Variants in CTNNA2 observed in about 807,000 individuals in gnomAD.
CTNNA2 encodes catenin alpha-2.
Under a neutral mutation model 101.0 loss-of-function variants are expected in CTNNA2, and 42 were observed. That is an observed-to-expected ratio of 0.42 (90% confidence interval 0.32 to 0.54). CTNNA2 has a LOEUF of 0.54. Ranked by LOEUF, CTNNA2 falls within the 20% of genes least tolerant of loss-of-function variation. The pLI, the probability that CTNNA2 is intolerant of heterozygous loss-of-function variation, is 0.14. For missense variants in CTNNA2, 871 were observed against 1,223.1 expected (o/e 0.71, Z 4.29); for synonymous variants, 450 against 456.4 (o/e 0.99, Z 0.18).
At chr2:79,563,832 A>G (rs1395845904) in intron 1 of CTNNA2, among the ~76,000 whole-genome samples, 2 of 152,176 alleles carry the variant, frequency 1.3e-5, no homozygotes, top group Non-Finnish European at 1.5e-5. Context: ...GCTACATTGT[A>G]CATTTGTCAT....
At chr2:79,915,022 A>G (rs751008565) in intron 7 of CTNNA2, among the ~76,000 whole-genome samples, 6 of 151,986 alleles carry the variant, frequency 3.9e-5, no homozygotes, top group Non-Finnish European at 5.9e-5. Context: ...TAAAAAGGTT[A>G]TTTCCAGCCC....
At chr2:80,598,844 G>A (rs569914665) in intron 15 of CTNNA2, among the ~76,000 whole-genome samples, 2 of 152,330 alleles carry the variant, frequency 1.3e-5, no homozygotes, top group East Asian at 3.9e-4. Flanking sequence ...AGGTGGAGAA[G>A]AGATTCATGA....
At chr2:79,492,246 A>G (rs981390408) in intron 4 of CTNNA2, among the ~76,000 whole-genome samples, 1 of 151,998 alleles carries the variant, frequency 6.6e-6, no homozygotes, top group Non-Finnish European at 1.5e-5. Context: ...AGAATTTGTA[A>G]TTAAGCTATA....
intron 7 of CTNNA2, among the ~76,000 whole-genome samples, chr2:80,243,635 A>G (rs1468331433): frequency 6.6e-6 from 1 of 152,164 alleles, no homozygotes; most frequent in Non-Finnish European, 1.5e-5. Flanking sequence ...CATTGTGTGG[A>G]TATACTACAG....
At chr2:79,873,863 C>A (rs1054072704) in intron 5 of CTNNA2, among the ~76,000 whole-genome samples, 3 of 152,078 alleles carry the variant, frequency 2.0e-5, no homozygotes, top group Non-Finnish European at 4.4e-5. Flanking sequence ...GATAACACCA[C>A]TGTACTCCAA....
At chr2:79,867,870 A>T (rs2104010122) in intron 4 of CTNNA2, among the ~76,000 whole-genome samples, 1 of 152,340 alleles carries the variant, frequency 6.6e-6, no homozygotes, top group East Asian at 1.9e-4. Flanking sequence ...TACATCTCAA[A>T]TAAGCAGCAG....
chr2:80,221,098 G>C (rs1178512634), intron 7 of CTNNA2, among the ~76,000 whole-genome samples: 1 of 152,140 alleles, frequency 6.6e-6, no homozygotes, highest in Non-Finnish European at 1.5e-5. Flanking sequence ...GGCCAGGCTG[G>C]TCTCCAACGC....
At position 79,237,204 on chromosome 2, in the gene CTNNA2, A is replaced by G. The variant is rs540676162; in HGVS notation, c.-406+39128A>G. ...TTGTGTTAGAAGCCATGAAGCCAAC[A>G]TTAATCATCTTGTACATCTCTTGGG... On this transcript the variant is annotated intron_variant, in intron 2 of 21. Transcript: ENST00000466387. 9.2e-5 allele frequency among the ~76,000 whole-genome samples: 14 copies of G among 152,366 alleles called. No individual in the cohort carries two copies. The East Asian group carries it at 2.5e-3, about 27-fold the overall frequency.
At position 80,554,979 on chromosome 2, in the gene CTNNA2, C is replaced by T. The variant is rs577744717; in HGVS notation, c.1541-714C>T. 4.6e-5 allele frequency among the ~76,000 whole-genome samples: 7 copies of T among 152,206 alleles called. No individual in the cohort carries two copies. The East Asian group carries it at 1.2e-3, about 25-fold the overall frequency. On this transcript the variant is annotated intron_variant, in intron 11 of 18. Transcript: ENST00000402739. ...GAGTGAAGCCTCCCCTCTATGCCTG[C>T]TTGATTTCTACTTTGGGCAATCATA... is the stretch of plus-strand genomic sequence containing the variant.
chr2:79,727,727 CT>C (rs1389486830), intron 2 of CTNNA2, among the ~76,000 whole-genome samples: 230 of 109,062 alleles, frequency 2.1e-3, no homozygotes, highest in African/African-American at 7.9e-3. Context: ...TCCCTCCCCC[CT>C]CCCCCCACCC....
chr2:79,620,491 G>C (rs995583132), intron 1 of CTNNA2, among the ~76,000 whole-genome samples: 7 of 152,116 alleles, frequency 4.6e-5, no homozygotes, highest in African/African-American at 9.7e-5. Flanking sequence ...ACCTTCAGTG[G>C]CACATAACTT....
intron 1 of CTNNA2, among the ~76,000 whole-genome samples, chr2:79,597,404 G>A (rs903326723): frequency 4.6e-5 from 7 of 151,508 alleles, no homozygotes; most frequent in African/African-American, 1.7e-4. Context: ...CCCAGGAGGC[G>A]GAGCTTGCAG....
intron 4 of CTNNA2, among the ~76,000 whole-genome samples, chr2:79,456,695 C>T (rs1670825854): frequency 6.6e-6 from 1 of 152,104 alleles, no homozygotes; most frequent in Non-Finnish European, 1.5e-5. Flanking sequence ...TTTTCCTACT[C>T]TTGGAACGAT....
Position 79,217,120 on chromosome 2 carries a change from G to C in CTNNA2, c.-406+19044G>C, listed in dbSNP as rs547313325. Among the ~76,000 whole-genome samples the C allele has an allele frequency of 1.3e-4, 20 of 152,316 alleles. 1 individual carries two copies. In the South Asian group the frequency reaches 3.7e-3, roughly 28 times the overall value. Reference sequence around the variant, plus strand: ...GAAAGGAGATAGTGGTTGAGGGATAGTGAGAGAGGTTGGAGAAGAGAGTAA... The same window carrying C: ...GAAAGGAGATAGTGGTTGAGGGATACTGAGAGAGGTTGGAGAAGAGAGTAA... On this transcript the variant is annotated intron_variant, in intron 2 of 21. Transcript: ENST00000466387.
intron 18 of CTNNA2, among the ~76,000 whole-genome samples, chr2:80,636,421 GAGATAA>G (rs1672888808): frequency 6.6e-6 from 1 of 152,082 alleles, no homozygotes; most frequent in Non-Finnish European, 1.5e-5. Flanking sequence ...TGTTTTGAAG[GAGATAA>G]ACACAGAGCT....
intron 2 of CTNNA2, among the ~76,000 whole-genome samples, chr2:79,678,971 T>G (rs1017875526): frequency 3.9e-5 from 6 of 152,190 alleles, no homozygotes; most frequent in Middle Eastern, 3.2e-3. Flanking sequence ...TTTCACTGGC[T>G]CTCCCTCCAC....
intron 7 of CTNNA2, among the ~76,000 whole-genome samples, chr2:80,337,557 C>G (rs78143817): frequency 6.7e-6 from 1 of 149,042 alleles, no homozygotes; most frequent in African/African-American, 2.5e-5. Flanking sequence ...ATACTCCACA[C>G]TCCCTTCACA....
intron 1 of CTNNA2, among the ~76,000 whole-genome samples, chr2:79,618,413 G>T (rs548043482): frequency 3.1e-4 from 47 of 152,174 alleles, no homozygotes; most frequent in African/African-American, 1.1e-3. Flanking sequence ...TTCCGAAGCA[G>T]CTCTTAGGTT....
At chr2:80,596,378 C>T (rs62151982) in intron 15 of CTNNA2, among the ~76,000 whole-genome samples, 4,110 of 131,316 alleles carry the variant, frequency 0.031, 75 homozygotes, top group Middle Eastern at 0.047. Flanking sequence ...GGCGTGATCT[C>T]GGCTCACTGC....
Sources: gnomAD v4.1 joint callset for allele counts (sites outside exome capture counted in the v4.1 genomes callset) on GRCh38, gnomAD v4.1.1 for gene constraint, MANE v1.5 for transcripts, NCBI Gene and HGNC (gene_info 2026-07-23, HGNC 2026-07-21) for gene names.